NXPH1: variants seen among roughly 807,000 people sequenced by gnomAD.
NXPH1 encodes the protein neurexophilin-1.
NXPH1 carries 5 observed loss-of-function variants against 23.7 expected under a neutral mutation model. The ratio of observed to expected loss-of-function variants is 0.21; its 90% CI spans 0.11 to 0.44. NXPH1 has a LOEUF of 0.44. Among genes scored for constraint, NXPH1 ranks in the 20% least tolerant of loss-of-function variants. The pLI, the probability that NXPH1 is intolerant of heterozygous loss-of-function variation, is 0.99. For synonymous variants in NXPH1, 144 were observed against 122.2 expected, an observed-to-expected ratio of 1.18 and a Z score of -1.18; for missense variants, 324 against 321.6, an observed-to-expected ratio of 1.01 and a Z score of -0.06.
intron 2 of NXPH1, among the ~76,000 whole-genome samples, chr7:8,483,412 C>T (rs892166479): frequency 6.6e-6 from 1 of 152,026 alleles, no homozygotes; most frequent in Non-Finnish European, 1.5e-5. Flanking sequence ...CTCACTGCAG[C>T]CTTGACCTCC....
At chr7:8,594,532 A>C (rs1819173082) in intron 2 of NXPH1, among the ~76,000 whole-genome samples, 2 of 152,042 alleles carry the variant, frequency 1.3e-5, no homozygotes, top group Admixed American at 6.6e-5. Flanking sequence ...CAAGCTTAAA[A>C]ATATGTTTCT....
chr7:8,657,078 T>C (rs2115158242), intron 2 of NXPH1, among the ~76,000 whole-genome samples: 1 of 152,346 alleles, frequency 6.6e-6, no homozygotes, highest in Middle Eastern at 3.4e-3. Flanking sequence ...CTAACTGTTA[T>C]AGGATATACA....
chr7:8,637,795 T>C (rs1459376449), intron 2 of NXPH1, among the ~76,000 whole-genome samples: 4 of 152,194 alleles, frequency 2.6e-5, no homozygotes, highest in Non-Finnish European at 5.9e-5. Flanking sequence ...CTTACATAAG[T>C]GGTTTAAGTC....
At chr7:8,481,345 A>T (rs1443855593) in intron 2 of NXPH1, among the ~76,000 whole-genome samples, 1 of 152,226 alleles carries the variant, frequency 6.6e-6, no homozygotes, top group Non-Finnish European at 1.5e-5. Flanking sequence ...ATCTGGTTGC[A>T]GTGGTAATAG....
chr7:8,718,922 G>C (rs186860010), intron 2 of NXPH1, among the ~76,000 whole-genome samples: 56 of 152,312 alleles, frequency 3.7e-4, no homozygotes, highest in African/African-American at 1.3e-3. Flanking sequence ...GCAGGGTACA[G>C]TCTGCAACAC....
At chr7:8,587,942 T>C (rs1819012986) in intron 2 of NXPH1, among the ~76,000 whole-genome samples, 1 of 152,112 alleles carries the variant, frequency 6.6e-6, no homozygotes, top group African/African-American at 2.4e-5. Context: ...GCTGCAATTA[T>C]GATCAGACAC....
At chr7:8,663,517 C>A (rs1448364725) in intron 2 of NXPH1, among the ~76,000 whole-genome samples, 2 of 152,152 alleles carry the variant, frequency 1.3e-5, no homozygotes, top group Middle Eastern at 3.4e-3. Context: ...TAATTGCAAA[C>A]AAATAATAGC....
At chr7:8,563,297 G>A (rs886271941) in intron 2 of NXPH1, among the ~76,000 whole-genome samples, 1 of 151,682 alleles carries the variant, frequency 6.6e-6, no homozygotes, top group Non-Finnish European at 1.5e-5. Context: ...AAGAAACTGT[G>A]TCTTAAGGCA....
At chr7:8,709,257 C>A (rs1007128240) in intron 2 of NXPH1, among the ~76,000 whole-genome samples, 3 of 152,190 alleles carry the variant, frequency 2.0e-5, no homozygotes, top group Admixed American at 2.0e-4. Context: ...TTTGAAAGTA[C>A]TTTTCTTACC....
intron 2 of NXPH1, among the ~76,000 whole-genome samples, chr7:8,598,898 G>C (rs983111082): frequency 6.6e-6 from 1 of 152,028 alleles, no homozygotes; most frequent in African/African-American, 2.4e-5. Context: ...TCTGGGATTT[G>C]GTTATGTCTG....
At chr7:8,591,317 C>T (rs902652800) in intron 2 of NXPH1, among the ~76,000 whole-genome samples, 6 of 152,026 alleles carry the variant, frequency 3.9e-5, no homozygotes, top group Admixed American at 6.6e-5. Context: ...TGACACAGAG[C>T]TAGTAAGTGG....
chr7:8,478,626 C>A (rs1227860450), intron 2 of NXPH1, among the ~76,000 whole-genome samples: 1 of 151,934 alleles, frequency 6.6e-6, no homozygotes, highest in Non-Finnish European at 1.5e-5. Flanking sequence ...AAATAAAAAA[C>A]TGATTTGAAA....
chr7:8,553,279 G>A, intron 2 of NXPH1, among the ~76,000 whole-genome samples: 1 of 151,098 alleles, frequency 6.6e-6, no homozygotes, highest in Non-Finnish European at 1.5e-5. Flanking sequence ...ATATTCCAAA[G>A]GAAATTTGGT....
chr7:8,715,312 G>GA (rs1262507722), intron 2 of NXPH1, among the ~76,000 whole-genome samples: 1 of 152,144 alleles, frequency 6.6e-6, no homozygotes, highest in Non-Finnish European at 1.5e-5. Flanking sequence ...AGGGGATGGG[G>GA]TAAGGGTGGC....
intron 2 of NXPH1, among the ~76,000 whole-genome samples, chr7:8,576,051 C>T (rs945254882): frequency 1.3e-5 from 2 of 152,160 alleles, no homozygotes; most frequent in Non-Finnish European, 2.9e-5. Context: ...CTCTGATTGT[C>T]CAGAATAGCT....
At chr7:8,643,900 T>A (rs150879225) in intron 2 of NXPH1, among the ~76,000 whole-genome samples, 9 of 152,272 alleles carry the variant, frequency 5.9e-5, no homozygotes, top group African/African-American at 1.9e-4. Flanking sequence ...ATATTCATAT[T>A]GTTTCATTTC....
At chr7:8,741,966 TGA>T (rs1193801626) in intron 2 of NXPH1, among the ~76,000 whole-genome samples, 1 of 152,078 alleles carries the variant, frequency 6.6e-6, no homozygotes, top group African/African-American at 2.4e-5. Context: ...ACTAAACTCT[TGA>T]GATAATTGTA....
At chr7:8,599,070 T>C (rs1819295443) in intron 2 of NXPH1, among the ~76,000 whole-genome samples, 1 of 152,162 alleles carries the variant, frequency 6.6e-6, no homozygotes, top group African/African-American at 2.4e-5. Flanking sequence ...TGTGATATAA[T>C]GGAGGCAGTA....
At chr7:8,445,997 G>T (rs1459914144) in intron 2 of NXPH1, among the ~76,000 whole-genome samples, 1 of 152,198 alleles carries the variant, frequency 6.6e-6, no homozygotes, top group Non-Finnish European at 1.5e-5. Context: ...TTGTAACCTT[G>T]TAGCTGGATG....
Sources: allele counts gnomAD v4.1 joint callset (sites outside exome capture counted in the v4.1 genomes callset), GRCh38; gene constraint gnomAD v4.1.1; transcripts MANE v1.5; gene names NCBI Gene and HGNC (gene_info 2026-07-23, HGNC 2026-07-21).